The following TTF1 variants were observed in gnomAD, a reference collection of about 807,000 sequenced individuals.
TTF1 encodes the protein transcription termination factor 1.
Under a neutral mutation model 80.2 loss-of-function variants are expected in TTF1, and 64 were observed. That is an observed-to-expected ratio of 0.80 (90% CI 0.65 to 0.98). The LOEUF is 0.98. TTF1 is among the 50% of genes least tolerant of loss of function. The pLI is 0.00. For synonymous variants in TTF1, 372 were observed against 382.7 expected (o/e 0.97, Z 0.33); for missense variants, 1,023 against 1,086.2 (o/e 0.94, Z 0.82).
intron 7 of TTF1, 31 bp downstream of exon 7, chr9:132,390,566 G>A (rs929183891): frequency 9.4e-6 from 15 of 1,602,400 alleles, no homozygotes; most frequent in Non-Finnish European, 1.1e-5. Flanking sequence ...AGAAGCTGGA[G>A]AGACAGAGAA....
At chr9:132,392,505 G>C (rs931205144) in intron 5 of TTF1, among the ~76,000 whole-genome samples, 2 of 152,160 alleles carry the variant, frequency 1.3e-5, no homozygotes, top group African/African-American at 4.8e-5. Context: ...CACCCGACCT[G>C]GACAGTGCCT....
chr9:132,391,859 G>A (rs553175414), intron 6 of TTF1, among the ~76,000 whole-genome samples: 4 of 152,336 alleles, frequency 2.6e-5, no homozygotes, highest in Non-Finnish European at 4.4e-5. Flanking sequence ...GACAGTTACT[G>A]AAGTGTGGTA....
At chr9:132,381,355 T>A (rs1849368536) in intron 9 of TTF1, among the ~76,000 whole-genome samples, 1 of 152,136 alleles carries the variant, frequency 6.6e-6, no homozygotes, top group Non-Finnish European at 1.5e-5. Context: ...CACGCCCAGC[T>A]AATTTTTGTA....
chr9:132,389,033 T>C (rs1849516697), intron 7 of TTF1, among the ~76,000 whole-genome samples: 1 of 152,148 alleles, frequency 6.6e-6, no homozygotes, highest in African/African-American at 2.4e-5. Context: ...AGAGTTTAAG[T>C]TTCCTATTTT....
intron 4 of TTF1, 146 bp from the exon 5 acceptor site, chr9:132,396,657 T>C: frequency 3.1e-6 from 2 of 645,060 alleles, no homozygotes; most frequent in Non-Finnish European, 5.4e-6. Context: ...AAGAAAGCTG[T>C]CTTGTTTTTT....
chr9:132,395,968 G>A (rs1042568017), intron 5 of TTF1, among the ~76,000 whole-genome samples: 1 of 152,184 alleles, frequency 6.6e-6, no homozygotes, highest in Non-Finnish European at 1.5e-5. Flanking sequence ...AATGACAACC[G>A]GGTTAAGCAC....
rs1564185764 is a variant in TTF1, at chr9:132,388,289, C to A, written c.2223-61G>T. The A allele has an allele frequency of 2.4e-6, 3 of 1,242,950 alleles. No homozygotes were observed. The South Asian group carries it at 4.0e-5, about 16-fold the overall frequency. 77.0% of individuals were successfully genotyped at this position (1,242,950 alleles called of 1,614,324 possible). A position where few individuals can be genotyped will look rare whatever the true frequency, so the allele number is the denominator to read the frequency against. On this transcript the variant is annotated intron_variant, in intron 7 of 10. Coordinates refer to ENST00000334270, the MANE Select transcript of TTF1 (RefSeq NM_007344.4). ...AAGGGTAGAGTTTTCATTAAAATAT[C>A]CTATATTTTTCTTATCTAAATTGCT...
At chr9:132,381,321 G>A (rs569460598) in intron 9 of TTF1, among the ~76,000 whole-genome samples, 1 of 151,998 alleles carries the variant, frequency 6.6e-6, no homozygotes, top group African/African-American at 2.4e-5. Context: ...CTCCCCAGTA[G>A]CTGGGATTAC....
chr9:132,387,165 C>T (rs1444624316), intron 8 of TTF1, among the ~76,000 whole-genome samples: 1 of 152,128 alleles, frequency 6.6e-6, no homozygotes, highest in Admixed American at 6.5e-5. Context: ...TGACATGTTG[C>T]TCAGGCTGGT....
rs1345831109 is a variant in TTF1, at chr9:132,401,931, T to C, written c.891A>G (p.Ser297=). 3 of 1,610,870 alleles carry C rather than the reference T, an allele frequency of 1.9e-6. No homozygotes were observed. The highest frequency in any genetic ancestry group is 2.5e-6 in the Non-Finnish European group (3 of 1,178,758). The change falls in exon 2 of 11, where the codon TCA becomes TCG. Residue 297 remains serine (S), a synonymous_variant. Transcript: ENST00000334270. ...CAGCCCCAACCTCACTGCCCACTTG[T>C]GATCCTTCAGGCATGGCCAATGCCT... The part of the protein sequence containing the change: ...EFEALAMPEG[S]QVGSEVGADM...
rs199540664 is a variant in TTF1, at chr9:132,402,210, C to A, written c.612G>T (p.Gly204=). 88 of 1,614,032 alleles carry A rather than the reference C, an allele frequency of 5.5e-5. No homozygotes were observed. In the South Asian group the frequency reaches 9.1e-4, roughly 17 times the overall value. The change falls in exon 2 of 11, where the codon GGG becomes GGT. Residue 204 remains glycine, a synonymous_variant. Transcript: ENST00000334270. ...QEESWLSVGP[G]GEITELPASA... ...ATGCTGGTAGTTCTGTAATTTCACC[C>A]CCTGGACCCACAGAAAGCCAGGACT...
chr9:132,394,583 C>T (rs7020832), intron 5 of TTF1, among the ~76,000 whole-genome samples: 116,145 of 151,936 alleles, frequency 0.76, 45,459 homozygotes, highest in Non-Finnish European at 0.86. Context: ...GCCTGGCCTA[C>T]TTTTCACTAT....
chr9:132,397,856 G>A (rs1179312478), intron 4 of TTF1, among the ~76,000 whole-genome samples: 1 of 152,002 alleles, frequency 6.6e-6, no homozygotes, highest in Non-Finnish European at 1.5e-5. Flanking sequence ...CGTGGTGGTG[G>A]GCACCTGTAG....
At position 132,402,612 on chromosome 9, in the gene TTF1, G is replaced by C; in HGVS notation, c.210C>G (p.Ser70=). ...QHLISSPLKK[S]RICDETANAT... is the part of the protein sequence containing the mutation. ...CATTTGCAGTCTCATCACAGATTCT[G>C]GATTTTTTCAAAGGAGAAGAAATGA... Residue 70 remains serine, a synonymous_variant, in exon 2 of 11, where the codon TCC becomes TCG. Transcript: ENST00000334270. 6.2e-7 allele frequency: 1 copy of C among 1,613,140 alleles called. No homozygotes were observed. The highest frequency in any genetic ancestry group is 8.5e-7 in the Non-Finnish European group (1 of 1,179,794).
intron 10 of TTF1, among the ~76,000 whole-genome samples, 180 bp from the exon 11 acceptor site, chr9:132,376,348 T>G (rs1411830450): frequency 6.6e-6 from 1 of 152,150 alleles, no homozygotes; most frequent in Admixed American, 6.6e-5. Flanking sequence ...TCCTACGAGG[T>G]AGGCACTGTT....
At chr9:132,377,908 ATGTG>A (rs147244551) in intron 10 of TTF1, among the ~76,000 whole-genome samples, 13 of 102,080 alleles carry the variant, frequency 1.3e-4, no homozygotes, top group Admixed American at 4.6e-4. Flanking sequence ...GTGTGAGTGC[ATGTG>A]TGTGTGAGTG....
At chr9:132,377,159 GGTGAGTGCATGCATGTGGTGT>G (rs1392881309) in intron 10 of TTF1, among the ~76,000 whole-genome samples, 55 of 138,772 alleles carry the variant, frequency 4.0e-4, no homozygotes, top group African/African-American at 1.3e-3. Context: ...GCATGCATGT[GGTGAGTGCATGCATGTGGTGT>G]GTGAGTGCAT....
rs190758803 is a variant in TTF1 at position 132,401,722 on chromosome 9, A to G, written c.1100T>C (p.Val367Ala). The part of the protein sequence containing the change: ...YPEGSQVGSE[V>A]GTVEGSTALK... ...AGCTGTACTGCCTTCCACAGTCCCA[A>G]CCTCACTGCCCACCTGTGATCCTTC... Residue 367 changes from valine (V) to alanine (A), a missense_variant, in exon 2 of 11, where the codon GTT becomes GCT. Physicochemically the swap from Val to Ala is moderately conservative, Grantham distance 64. Transcript: ENST00000334270. 2.9e-5 allele frequency: 46 copies of G among 1,614,018 alleles called. No homozygotes were observed. The Admixed American group carries it at 3.8e-4, about 13-fold the overall frequency.
intron 4 of TTF1, 147 bp from the exon 5 acceptor site, chr9:132,396,658 CTT>C (rs1849655386): frequency 1.6e-6 from 1 of 626,848 alleles, no homozygotes; most frequent in South Asian, 1.9e-5. Flanking sequence ...AGAAAGCTGT[CTT>C]GTTTTTTTTG....
Sources: allele counts gnomAD v4.1 joint callset (sites outside exome capture counted in the v4.1 genomes callset), GRCh38; gene constraint gnomAD v4.1.1; transcripts MANE v1.5; gene names NCBI Gene and HGNC (gene_info 2026-07-23, HGNC 2026-07-21).